GNAO1: variants seen among roughly 807,000 people sequenced by gnomAD.
The protein encoded by GNAO1 is G protein subunit alpha o1.
For synonymous variants in GNAO1, 164 were observed against 180.7 expected (o/e 0.91, Z 0.74); for missense variants, 166 against 478.7 (o/e 0.35, Z 6.10).
At position 56,356,828 on chromosome 16, in the gene GNAO1, T is replaced by G. The variant is rs1409481957; in HGVS notation, c.*754T>G. On this transcript the variant is annotated 3_prime_UTR_variant, in exon 9 of 9. Coordinates refer to ENST00000262493, the MANE Select transcript of GNAO1 (RefSeq NM_020988.3). ...CTTTTGTCCCGCCGAGTACTATGTA[T>G]TACCAGCCCCCCACCCCACAGATCA... The G allele has an allele frequency of 6.6e-6, 1 of 151,354 alleles. No individual in the cohort carries two copies. Among genetic ancestry groups the G allele is most frequent in the Non-Finnish European group, 1.5e-5 (1 of 67,814 alleles). The allele number at this position is 151,354 out of a possible 1,614,324, so 9.4% of individuals were successfully genotyped here.
intron 2 of GNAO1, among the ~76,000 whole-genome samples, chr16:56,238,337 C>T (rs867126580): frequency 9.9e-5 from 15 of 152,188 alleles, no homozygotes; most frequent in African/African-American, 3.4e-4. Context: ...AGGCTGGAGA[C>T]ACACAGCTAT....
intron 3 of GNAO1, among the ~76,000 whole-genome samples, chr16:56,315,898 A>G (rs540432992): frequency 2.0e-5 from 3 of 152,198 alleles, no homozygotes; most frequent in African/African-American, 7.2e-5. Context: ...ATCTCTACTA[A>G]AAATACAAAA....
chr16:56,321,613 G>C (rs1373663449), intron 3 of GNAO1, among the ~76,000 whole-genome samples: 1 of 152,198 alleles, frequency 6.6e-6, no homozygotes, highest in East Asian at 1.9e-4. Context: ...GCTCAACGCA[G>C]ACCACTCAGA....
chr16:56,322,473 A>T (rs558378968), intron 3 of GNAO1, among the ~76,000 whole-genome samples: 2 of 152,358 alleles, frequency 1.3e-5, no homozygotes, highest in South Asian at 2.1e-4. Context: ...AAGCAGGCAG[A>T]CAAAGGAGCA....
chr16:56,309,882 A>G (rs1290898395), intron 3 of GNAO1, among the ~76,000 whole-genome samples: 1 of 152,218 alleles, frequency 6.6e-6, no homozygotes, highest in Non-Finnish European at 1.5e-5. Context: ...GTTGATTTTT[A>G]TCTCAATATT....
At chr16:56,192,539 T>A in intron 1 of GNAO1, 35 bp from the exon 2 acceptor site, 2 of 1,230,128 alleles carry the variant, frequency 1.6e-6, no homozygotes, top group Non-Finnish European at 2.3e-6. Context: ...AAGCTGACAC[T>A]CACCAGTTTT....
intron 3 of GNAO1, among the ~76,000 whole-genome samples, chr16:56,322,314 G>T (rs1489939309): frequency 6.6e-6 from 1 of 152,154 alleles, no homozygotes; most frequent in Admixed American, 6.5e-5. Flanking sequence ...ACCCAGGCAC[G>T]CTCTGACCAG....
At chr16:56,215,760 T>A (rs1448136551) in intron 2 of GNAO1, among the ~76,000 whole-genome samples, 1 of 152,134 alleles carries the variant, frequency 6.6e-6, no homozygotes, top group Non-Finnish European at 1.5e-5. Context: ...GGTGTAGAAG[T>A]TTTTGCAAGC....
chr16:56,195,145 G>T (rs980324493), intron 2 of GNAO1, among the ~76,000 whole-genome samples: 18 of 138,050 alleles, frequency 1.3e-4, no homozygotes, highest in African/African-American at 4.6e-4. Context: ...AACAGATTTT[G>T]TAGGTAAAAC....
intron 2 of GNAO1, among the ~76,000 whole-genome samples, chr16:56,209,648 T>G (rs1288431090): frequency 3.9e-5 from 6 of 152,186 alleles, no homozygotes; most frequent in Admixed American, 1.3e-4. Context: ...TTAAGAAATA[T>G]TTATAATTTT....
chr16:56,320,801 C>T (rs1256841724), intron 3 of GNAO1, among the ~76,000 whole-genome samples: 4 of 152,234 alleles, frequency 2.6e-5, no homozygotes, highest in South Asian at 2.1e-4. Flanking sequence ...CTCCCTTCCT[C>T]TCTGTAGCTG....
At chr16:56,253,688 G>C (rs1310117258) in intron 2 of GNAO1, among the ~76,000 whole-genome samples, 1 of 152,204 alleles carries the variant, frequency 6.6e-6, no homozygotes, top group East Asian at 1.9e-4. Context: ...TTCAGTCCCT[G>C]TGGGAGGTAT....
At chr16:56,297,963 G>A (rs960971801) in intron 3 of GNAO1, among the ~76,000 whole-genome samples, 1 of 152,174 alleles carries the variant, frequency 6.6e-6, no homozygotes, top group African/African-American at 2.4e-5. Flanking sequence ...GAGCCCAGGA[G>A]TTTGAGACCA....
At chr16:56,205,531 C>G (rs1312887457) in intron 2 of GNAO1, among the ~76,000 whole-genome samples, 1 of 152,150 alleles carries the variant, frequency 6.6e-6, no homozygotes, top group African/African-American at 2.4e-5. Flanking sequence ...GAGCCTAGTT[C>G]TGAGCTGTGG....
chr16:56,293,913 G>A (rs921742412), intron 3 of GNAO1, among the ~76,000 whole-genome samples: 10 of 152,128 alleles, frequency 6.6e-5, no homozygotes, highest in African/African-American at 2.2e-4. Context: ...TAGGAAGGTT[G>A]GTGTGTCAAG....
At chr16:56,343,672 CG>C in intron 6 of GNAO1, 1 of 1,021,676 alleles carries the variant, frequency 9.8e-7, no homozygotes, top group Non-Finnish European at 1.4e-6. Flanking sequence ...GGCCCAAGGC[CG>C]GATGGCCACA....
At chr16:56,320,956 G>C (rs1307871179) in intron 3 of GNAO1, among the ~76,000 whole-genome samples, 1 of 152,220 alleles carries the variant, frequency 6.6e-6, no homozygotes, top group Non-Finnish European at 1.5e-5. Flanking sequence ...CAGCATGTAT[G>C]TGGCCAGTGC....
At chr16:56,337,839 G>A (rs2037758067) in intron 6 of GNAO1, among the ~76,000 whole-genome samples, 1 of 152,182 alleles carries the variant, frequency 6.6e-6, no homozygotes, top group Non-Finnish European at 1.5e-5. Context: ...GGCCCACAGG[G>A]TCACTGGAGA....
At position 56,252,008 on chromosome 16, in the gene GNAO1, CTT is replaced by C. The variant is rs2036804254; in HGVS notation, c.162-23919_162-23918del. 2.6e-5 allele frequency among the ~76,000 whole-genome samples: 4 copies of C among 152,124 alleles called. No individual in the cohort carries two copies. The South Asian group carries it at 8.3e-4, about 32-fold the overall frequency. ...CCTGGTGCATGGGCAACAAATGAGA[CTT>C]TTTGCCTCCAGAAGGAGCTATAAGC... On this transcript the variant is annotated intron_variant, in intron 2 of 8. Coordinates refer to ENST00000262493, the MANE Select transcript of GNAO1 (RefSeq NM_020988.3).
Sources: allele counts gnomAD v4.1 joint callset (sites outside exome capture counted in the v4.1 genomes callset), GRCh38; gene constraint gnomAD v4.1.1; transcripts MANE v1.5; gene names NCBI Gene and HGNC (gene_info 2026-07-23, HGNC 2026-07-21).